NSD1: variants seen among roughly 807,000 people sequenced by gnomAD.
NSD1 encodes the protein histone-lysine N-methyltransferase, H3 lysine-36 specific.
NSD1 carries 26 observed loss-of-function variants against 242.7 expected under a neutral mutation model. The observed-to-expected ratio is 0.11, with a 90% CI of 0.08 to 0.15. The LOEUF (loss-of-function observed/expected upper bound fraction) is 0.15. Ranked by LOEUF, NSD1 falls within the 10% of genes least tolerant of loss-of-function variation. The pLI is 1.00. For synonymous variants in NSD1, 1,106 were observed against 1,178.1 expected (o/e 0.94, Z 1.25); for missense variants, 2,495 against 3,272.8 (o/e 0.76, Z 5.80).
At chr5:177,228,373 C>T (rs1030814513) in intron 5 of NSD1, among the ~76,000 whole-genome samples, 7 of 151,456 alleles carry the variant, frequency 4.6e-5, no homozygotes, top group Non-Finnish European at 5.9e-5. Flanking sequence ...TGCACCACCA[C>T]GCTAAGCAGA....
intron 4 of NSD1, among the ~76,000 whole-genome samples, chr5:177,207,629 G>A (rs1433635062): frequency 1.7e-5 from 2 of 119,852 alleles, no homozygotes; most frequent in African/African-American, 4.6e-5. Context: ...TTTTAGAGAA[G>A]GGGTGGGTCT....
chr5:177,295,456 G>A lies in NSD1; in HGVS notation c.8088G>A (p.Lys2696=). 1 of 1,613,896 alleles carries A rather than the reference G, an allele frequency of 6.2e-7. No homozygotes were observed. The change falls in exon 23 of 23, where the codon AAG becomes AAA. Residue 2696 remains lysine (K), a synonymous_variant. Coordinates refer to ENST00000439151, the MANE Select transcript of NSD1 (RefSeq NM_022455.5). This position sits in a 1 kb window ranked among gnomAD's most constrained non-coding sequence, Gnocchi z 4.3. ...ACAAGTGTGCAGAATCAGAACAGAA[G>A]TAGTACCAATCAATGTCACATGAAC... ...SSHKCAESEQ[K]
intron 16 of NSD1, among the ~76,000 whole-genome samples, chr5:177,271,805 C>T (rs1207548262): frequency 6.6e-6 from 1 of 152,022 alleles, no homozygotes; most frequent in Non-Finnish European, 1.5e-5. Context: ...TGAGAGGCTG[C>T]AAGTGGGAAA....
chr5:177,186,395 A>G (rs985665727), intron 2 of NSD1, among the ~76,000 whole-genome samples: 2 of 152,042 alleles, frequency 1.3e-5, no homozygotes, highest in Admixed American at 6.6e-5. Flanking sequence ...CAATGACTAT[A>G]TTCAATTTAC....
At chr5:177,247,665 A>T (rs1355504523) in intron 10 of NSD1, among the ~76,000 whole-genome samples, 1 of 152,052 alleles carries the variant, frequency 6.6e-6, no homozygotes, top group African/African-American at 2.4e-5. Context: ...GACAATTTTT[A>T]TGAATATCGG....
Position 177,157,849 on chromosome 5 carries a change from G to A in NSD1, c.927+21819G>A, listed in dbSNP as rs116844856. Among the ~76,000 whole-genome samples, 859 of 152,288 alleles carry A rather than the reference G, an allele frequency of 5.6e-3. 55 individuals are homozygous for A. In the East Asian group the frequency reaches 0.15, roughly 26 times the overall value. On this transcript the variant is annotated intron_variant, in intron 2 of 22. Transcript: ENST00000439151. ...ATTCTAGGCGTTTCATACAAATACA[G>A]TCATATAATTTGTGGCCTTTCGTGT...
At chr5:177,241,052 C>T (rs1765818171) in intron 8 of NSD1, among the ~76,000 whole-genome samples, 1 of 152,028 alleles carries the variant, frequency 6.6e-6, no homozygotes. Flanking sequence ...TTTTTGTGTG[C>T]CCCATGGACA....
At chr5:177,202,355 A>C (rs1762575847) in intron 3 of NSD1, among the ~76,000 whole-genome samples, 2 of 152,010 alleles carry the variant, frequency 1.3e-5, no homozygotes, top group Non-Finnish European at 2.9e-5. Context: ...GCACATCAGA[A>C]GTTCTTGATC....
At chr5:177,207,923 C>CGTGT in intron 4 of NSD1, among the ~76,000 whole-genome samples, 1 of 146,102 alleles carries the variant, frequency 6.8e-6, no homozygotes, top group South Asian at 2.2e-4. Context: ...TGTGTGTGTG[C>CGTGT]GTGTGTGTGT....
At chr5:177,265,725 C>A (rs1757376750) in intron 14 of NSD1, 2 of 1,586,882 alleles carry the variant, frequency 1.3e-6, no homozygotes, top group Non-Finnish European at 1.7e-6. Context: ...AGGTAGTCCT[C>A]CATGTAGAAC....
At chr5:177,227,570 C>T (rs1005372569) in intron 5 of NSD1, among the ~76,000 whole-genome samples, 3 of 152,032 alleles carry the variant, frequency 2.0e-5, no homozygotes, top group South Asian at 2.1e-4. Flanking sequence ...CCTCAGCCTC[C>T]GGAGTAGCTA....
At chr5:177,156,709 T>C (rs1758167318) in intron 2 of NSD1, among the ~76,000 whole-genome samples, 1 of 152,144 alleles carries the variant, frequency 6.6e-6, no homozygotes, top group Non-Finnish European at 1.5e-5. Context: ...TTTTATAGTA[T>C]GTCATGTTTT....
rs1470356751 is a variant in NSD1 at position 177,160,375 on chromosome 5, GC to G, written c.927+24346del. ...AGGCTGGAATCCACACTCTAGGCTC[GC>G]TGCAGCCTCCACCTCCCAGGTTCAA... On this transcript the variant is annotated intron_variant, in intron 2 of 22. Coordinates refer to ENST00000439151, the MANE Select transcript of NSD1 (RefSeq NM_022455.5). Among the ~76,000 whole-genome samples the G allele has an allele frequency of 5.3e-5, 8 of 151,742 alleles. No homozygotes were observed. In the East Asian group the frequency reaches 1.5e-3, roughly 29 times the overall value.
chr5:177,167,745 T>C (rs780338792), intron 2 of NSD1, among the ~76,000 whole-genome samples: 1 of 152,168 alleles, frequency 6.6e-6, no homozygotes, highest in Non-Finnish European at 1.5e-5. Flanking sequence ...TTGAACTTCA[T>C]GGTGGGCTTA....
At chr5:177,200,899 ATT>A (rs556927293) in intron 3 of NSD1, among the ~76,000 whole-genome samples, 5 of 141,104 alleles carry the variant, frequency 3.5e-5, no homozygotes, top group Admixed American at 2.1e-4. Context: ...GTGTTTTTGT[ATT>A]TTTTTTTTTT....
chr5:177,265,615 G>T, intron 14 of NSD1: 1 of 1,480,998 alleles, frequency 6.8e-7, no homozygotes, highest in Non-Finnish European at 9.4e-7. Flanking sequence ...CGCACAGATG[G>T]CCCCTGAAAT....
chr5:177,207,506 T>A (rs1244013998), intron 4 of NSD1, among the ~76,000 whole-genome samples: 1 of 149,532 alleles, frequency 6.7e-6, no homozygotes, highest in Non-Finnish European at 1.5e-5. Context: ...ATGGTCTCGA[T>A]CTCCTGACCT....
At chr5:177,212,216 TAAAAA>T (rs35159794) in intron 5 of NSD1, 21 bp downstream of exon 5, 3 of 1,389,388 alleles carry the variant, frequency 2.2e-6, no homozygotes, top group South Asian at 1.2e-5. Context: ...CTAAATGTGA[TAAAAA>T]AAAAAAAATT....
intron 2 of NSD1, among the ~76,000 whole-genome samples, chr5:177,139,941 CAAAA>C (rs58879575): frequency 2.1e-5 from 2 of 95,526 alleles, no homozygotes; most frequent in African/African-American, 3.4e-5. Flanking sequence ...AAGATCCTGT[CAAAA>C]AAAAAAAAAA....
Sources: gnomAD v4.1 joint callset for allele counts (sites outside exome capture counted in the v4.1 genomes callset) on GRCh38, gnomAD v4.1.1 for gene constraint, Gnocchi (gnomAD v3.1) non-coding constraint, MANE v1.5 for transcripts, NCBI Gene and HGNC (gene_info 2026-07-23, HGNC 2026-07-21) for gene names.